The following RNF213 variants were observed in gnomAD, a reference collection of about 807,000 sequenced individuals.
RNF213 encodes E3 ubiquitin-protein ligase RNF213.
A neutral mutation model predicts 514.4 loss-of-function variants in RNF213; 341 were observed. That is an observed-to-expected ratio of 0.66 (90% CI 0.61 to 0.73). RNF213 has a LOEUF of 0.73. RNF213 is among the 30% of genes least tolerant of loss of function. The pLI is 0.00. For missense variants in RNF213, 5,767 were observed against 6,615.6 expected (o/e 0.87, Z 4.45); for synonymous variants, 2,655 against 2,658.2 (o/e 1.00, Z 0.04).
At chr17:80,268,747 T>G (rs1211609336) in intron 2 of RNF213, among the ~76,000 whole-genome samples, 1 of 152,144 alleles carries the variant, frequency 6.6e-6, no homozygotes, top group African/African-American at 2.4e-5. Flanking sequence ...TCCATCTATC[T>G]ATAAGTCTGT....
intron 38 of RNF213, 180 bp downstream of exon 38, chr17:80,360,386 T>A: frequency 1.4e-6 from 1 of 719,810 alleles, no homozygotes; most frequent in Non-Finnish European, 2.4e-6. Context: ...AAGTTTCTGC[T>A]GAAGGAGTGA....
intron 5 of RNF213, 104 bp from the exon 6 acceptor site, chr17:80,289,555 A>G (rs909314333): frequency 1.6e-6 from 2 of 1,260,314 alleles, no homozygotes; most frequent in East Asian, 2.4e-5. Context: ...GCAGTACTGC[A>G]CTCCAGCCTT....
In RNF213 at chr17:80,377,117, A is replaced by G; in HGVS notation, c.13510+154A>G. 1 of 676,362 alleles carries G rather than the reference A, an allele frequency of 1.5e-6. No homozygotes were observed. Among genetic ancestry groups the G allele is most frequent in the Non-Finnish European group, 2.7e-6 (1 of 371,822 alleles). The allele number at this position is 676,362 out of a possible 1,614,324, so 41.9% of individuals were successfully genotyped here. ...TACCGGTGGCGTCTGCAGAAGACGA[A>G]TGGCTTGAAGGAGCTGGCACTCCGC... On this transcript the variant is annotated intron_variant, in intron 53 of 67. Transcript: ENST00000582970. The surrounding 1 kb of genome is among the most constrained non-coding windows in gnomAD (Gnocchi z 4.1).
In RNF213 at chr17:80,353,273, G is replaced by A; in HGVS notation, c.10423+214G>A. On this transcript the variant is annotated intron_variant, in intron 33 of 67. Coordinates refer to ENST00000582970, the MANE Select transcript of RNF213 (RefSeq NM_001256071.3). The surrounding 1 kb of genome is among the most constrained non-coding windows in gnomAD (Gnocchi z 5.0). ...ACCACAGGCTGAGGTAGAGCTCTGT[G>A]AGCAGGCCAGCCATGGAAGTGAGCA... 1 of 792,468 alleles carries A rather than the reference G, an allele frequency of 1.3e-6. No homozygotes were observed. The highest frequency in any genetic ancestry group is 2.1e-6 in the Non-Finnish European group (1 of 487,276). The allele number at this position is 792,468 out of a possible 1,614,324, so 49.1% of individuals were successfully genotyped here.
In RNF213 at chr17:80,349,786, G is replaced by A; in HGVS notation, c.9968G>A (p.Arg3323Lys). 6.2e-7 allele frequency: 1 copy of A among 1,614,154 alleles called. No homozygotes were observed. The highest frequency in any genetic ancestry group is 8.5e-7 in the Non-Finnish European group (1 of 1,180,018). ...ACTCTGTAGATCACCACTTTCTCCA[G>A]GCTGCTAACAAGTCACGACTGTGAA... ...AIFTEITTFS[R>K]LLTSHDCEIL... Residue 3323 changes from arginine (R) to lysine (K), a missense_variant, in exon 30 of 68, where the codon AGG becomes AAG. This residue lies in a region of RNF213 where 919 missense variants were observed against 1,121.0 expected (regional missense o/e 0.82). Coordinates refer to ENST00000582970, the MANE Select transcript of RNF213 (RefSeq NM_001256071.3).
rs1227410683 is a variant in RNF213 at position 80,306,137 on chromosome 17, A to G, written c.2211-115A>G. The stretch of plus-strand genomic sequence containing the variant: ...GCCACCACGCCTGCCCTCAAGTAGT[A>G]TTTAAATCATTTTTGAATTCGGGAC... On this transcript the variant is annotated intron_variant, in intron 11 of 67. Transcript: ENST00000582970. 143 of 1,030,078 alleles carry G rather than the reference A, an allele frequency of 1.4e-4. 1 individual carries two copies. Among genetic ancestry groups the G allele is most frequent in the Non-Finnish European group, 3.0e-6 (2 of 660,706 alleles). The allele number at this position is 1,030,078 out of a possible 1,614,324, so 63.8% of individuals were successfully genotyped here.
Position 80,377,926 on chromosome 17 carries a change from A to C in RNF213, c.13545+130A>C, listed in dbSNP as rs2079827939. Reference sequence around the variant, plus strand: ...AGCACAGGCTCACCGAGGACTGCCCAGGGTGCTCTGAGCAGGGCAATGCCA... The same window carrying C: ...AGCACAGGCTCACCGAGGACTGCCCCGGGTGCTCTGAGCAGGGCAATGCCA... On this transcript the variant is annotated intron_variant, in intron 54 of 67. Transcript: ENST00000582970. This position sits in a 1 kb window ranked among gnomAD's most constrained non-coding sequence, Gnocchi z 4.1. 1 of 1,076,002 alleles carries C rather than the reference A, an allele frequency of 9.3e-7. No individual in the cohort carries two copies. Among genetic ancestry groups the C allele is most frequent in the Admixed American group, 1.7e-5 (1 of 58,846 alleles). 66.7% of individuals were successfully genotyped at this position (1,076,002 alleles called of 1,614,324 possible).
In RNF213 at chr17:80,294,986, C is replaced by T; in HGVS notation, c.1738C>T (p.Gln580Ter). The T allele has an allele frequency of 6.2e-7, 1 of 1,614,194 alleles. No homozygotes were observed. The highest frequency in any genetic ancestry group is 8.5e-7 in the Non-Finnish European group (1 of 1,180,048). The change falls in exon 9 of 68, where the codon CAG becomes TAG. Residue 580 changes from glutamine to a stop codon, truncating the protein, a stop_gained. Coordinates refer to ENST00000582970, the MANE Select transcript of RNF213 (RefSeq NM_001256071.3). LOFTEE classifies it high-confidence loss of function. ...ACAGGCACAGCTGTGGACCGATTTG[C>T]AGTACAGGGAGAAAGAGGTATCAGG... ...EGQAQLWTDL[Q>*]YREKEVKRYL...
intron 37 of RNF213, among the ~76,000 whole-genome samples, 155 bp from the exon 38 acceptor site, chr17:80,359,906 C>A (rs886327546): frequency 6.6e-6 from 1 of 152,232 alleles, no homozygotes; most frequent in Non-Finnish European, 1.5e-5. Flanking sequence ...ATAACAGAAA[C>A]CCTGTACTGT....
chr17:80,365,744 T>C (rs1384366064), intron 42 of RNF213, among the ~76,000 whole-genome samples: 1 of 152,062 alleles, frequency 6.6e-6, no homozygotes. Flanking sequence ...CTTCCACCCT[T>C]TTCCCCACAC....
At chr17:80,393,237 TCCCACAGTGCTGGGCTTACACACGTGAGC>T in intron 67 of RNF213, 79 bp from the exon 68 acceptor site, 1 of 1,123,208 alleles carries the variant, frequency 8.9e-7, no homozygotes, top group South Asian at 1.3e-5. Context: ...CACCTCAGCC[TCCCACAGTGCTGGGCTTACACACGTGAGC>T]CACACAGTGC....
rs769504470 is a variant in RNF213 at position 80,346,252 on chromosome 17, G to T, written c.7917G>T (p.Arg2639Ser). Reference sequence around the variant, plus strand: ...ATGAGTGCAGCTTTGTCAGCCTCAGGGACGTGGAGCGCTGTGTGAAAGTTT... The same window carrying T: ...ATGAGTGCAGCTTTGTCAGCCTCAGTGACGTGGAGCGCTGTGTGAAAGTTT... ...TEDECSFVSL[R>S]DVERCVKVFR... The change falls in exon 29 of 68, where the codon AGG becomes AGT. Residue 2639 changes from arginine (R) to serine (S), a missense_variant. Transcript: ENST00000582970. The surrounding 1 kb of genome is among the most constrained non-coding windows in gnomAD (Gnocchi z 8.1). The T allele has an allele frequency of 8.7e-6, 14 of 1,614,128 alleles. No individual in the cohort carries two copies. The highest frequency in any genetic ancestry group is 1.2e-5 in the Non-Finnish European group (14 of 1,180,030).
At chr17:80,289,361 G>A (rs902100590) in intron 5 of RNF213, among the ~76,000 whole-genome samples, 6 of 151,970 alleles carry the variant, frequency 3.9e-5, no homozygotes, top group African/African-American at 1.5e-4. Context: ...AAGCCCAGGC[G>A]GGTGCATCAC....
At chr17:80,261,259 C>T (rs1440709823) in intron 1 of RNF213, among the ~76,000 whole-genome samples, 2 of 152,174 alleles carry the variant, frequency 1.3e-5, no homozygotes, top group African/African-American at 4.8e-5. Context: ...AAGGGGACAG[C>T]CGGACCCGGG....
At chr17:80,356,474 C>T (rs1025135448) in intron 36 of RNF213, among the ~76,000 whole-genome samples, 2 of 152,264 alleles carry the variant, frequency 1.3e-5, no homozygotes, top group Non-Finnish European at 2.9e-5. Context: ...CAGACCCGCA[C>T]CCTCAGCTCA....
intron 55 of RNF213, among the ~76,000 whole-genome samples, chr17:80,380,372 T>C (rs1333326164): frequency 2.0e-5 from 3 of 152,194 alleles, no homozygotes; most frequent in Non-Finnish European, 4.4e-5. Context: ...CCTCTAATAG[T>C]TTTGCCACTG....
chr17:80,325,697 G>A (rs4889844), intron 18 of RNF213, among the ~76,000 whole-genome samples: 105,560 of 151,500 alleles, frequency 0.7, 37,545 homozygotes, highest in African/African-American at 0.8. Context: ...CCGCGCCCCA[G>A]GTGTTTTGTG....
At chr17:80,352,857 AG>A in intron 32 of RNF213, 82 bp from the exon 33 acceptor site, 4 of 1,595,944 alleles carry the variant, frequency 2.5e-6, no homozygotes, top group Non-Finnish European at 3.4e-6. Context: ...ATGACAAGCC[AG>A]GGTGTGCAAT....
chr17:80,367,968 A>G lies in RNF213; in HGVS notation c.11980A>G (p.Ile3994Val), dbSNP rs2144460511. The change falls in exon 44 of 68, where the codon ATT becomes GTT. Residue 3994 changes from isoleucine to valine, a missense_variant. Physicochemically the swap from Ile to Val is conservative, Grantham distance 29 (BLOSUM62 3). Around this residue, in one of 13 missense-constraint regions of RNF213, gnomAD observed 355 missense variants for 358.0 expected, o/e 0.99. Transcript: ENST00000582970. Reference sequence around the variant, plus strand: ...GCCCTTCTTGGATTCTAGGTTTGGGATTCAGCCGTGCTCCATCTGCCTGGG... The same window carrying G: ...GCCCTTCTTGGATTCTAGGTTTGGGGTTCAGCCGTGCTCCATCTGCCTGGG... ...TASKTLSRFGIQPCSICLGDA... is the reference protein window; with the variant it reads ...TASKTLSRFGVQPCSICLGDA... 1 of 1,614,212 alleles carries G rather than the reference A, an allele frequency of 6.2e-7. No homozygotes were observed. The highest frequency in any genetic ancestry group is 1.1e-5 in the South Asian group (1 of 91,086).
Sources: allele counts gnomAD v4.1 joint callset (sites outside exome capture counted in the v4.1 genomes callset), GRCh38; gene constraint gnomAD v4.1.1; regional missense constraint gnomAD v4.1.1; non-coding constraint Gnocchi (gnomAD v3.1); transcripts MANE v1.5; gene names NCBI Gene and HGNC (gene_info 2026-07-23, HGNC 2026-07-21).